NWD2: variants seen among roughly 807,000 people sequenced by gnomAD.
NWD2 encodes NACHT and WD repeat domain-containing protein 2.
A neutral mutation model predicts 132.7 loss-of-function variants in NWD2; 37 were observed. The observed-to-expected ratio is 0.28, with a 90% CI of 0.21 to 0.37. The LOEUF (loss-of-function observed/expected upper bound fraction) is 0.37, where lower values mean the gene tolerates loss of function less well. Among genes scored for constraint, NWD2 ranks in the 10% least tolerant of loss-of-function variants. NWD2 has a pLI of 1.00. For missense variants in NWD2, 1,592 were observed against 2,122.4 expected (o/e 0.75, Z 4.91); for synonymous variants, 705 against 803.0 (o/e 0.88, Z 2.06).
intron 1 of NWD2, among the ~76,000 whole-genome samples, chr4:37,260,933 T>G (rs541849469): frequency 3.3e-5 from 5 of 152,292 alleles, no homozygotes; most frequent in African/African-American, 1.2e-4. Context: ...AAATTCAGAC[T>G]GTAGAGTTGG....
chr4:37,294,074 C>G (rs1718424953), intron 1 of NWD2, among the ~76,000 whole-genome samples: 1 of 152,074 alleles, frequency 6.6e-6, no homozygotes, highest in Admixed American at 6.5e-5. Context: ...CTACTCCTTT[C>G]TGGAAAGGAA....
intron 2 of NWD2, among the ~76,000 whole-genome samples, chr4:37,334,013 T>C (rs1371505707): frequency 1.3e-5 from 2 of 151,410 alleles, no homozygotes; most frequent in East Asian, 3.9e-4. Context: ...TATTTGAAAA[T>C]ACACAGAGGA....
intron 2 of NWD2, among the ~76,000 whole-genome samples, chr4:37,326,328 A>G (rs953094356): frequency 2.6e-5 from 4 of 152,146 alleles, no homozygotes; most frequent in Admixed American, 2.0e-4. Flanking sequence ...GTTGCTGAGC[A>G]CCTGAGTTTA....
chr4:37,369,755 C>T (rs551823820), intron 3 of NWD2, among the ~76,000 whole-genome samples: 28 of 152,188 alleles, frequency 1.8e-4, no homozygotes, highest in Non-Finnish European at 3.8e-4. Context: ...TATTTTCTTC[C>T]CAACTTGCAA....
chr4:37,401,089 A>G (rs1720887485), intron 3 of NWD2, among the ~76,000 whole-genome samples: 1 of 152,238 alleles, frequency 6.6e-6, no homozygotes, highest in African/African-American at 2.4e-5. Flanking sequence ...TCAGTAAACT[A>G]CTGATTAAAT....
intron 3 of NWD2, among the ~76,000 whole-genome samples, chr4:37,371,001 A>G (rs1371032756): frequency 6.6e-6 from 1 of 151,990 alleles, no homozygotes; most frequent in African/African-American, 2.4e-5. Context: ...ACATTAAACC[A>G]ATCTGGAGTA....
chr4:37,329,170 ACT>A (rs1438642587), intron 2 of NWD2, among the ~76,000 whole-genome samples: 1 of 152,020 alleles, frequency 6.6e-6, no homozygotes, highest in African/African-American at 2.4e-5. Context: ...TCAATGCATA[ACT>A]CCCGATAATC....
intron 1 of NWD2, among the ~76,000 whole-genome samples, chr4:37,276,972 C>A (rs560030134): frequency 6.6e-6 from 1 of 150,460 alleles, no homozygotes; most frequent in South Asian, 2.1e-4. Context: ...CATCACACAC[C>A]GGGGCCTGTT....
At chr4:37,357,972 G>C (rs1371560164) in intron 3 of NWD2, among the ~76,000 whole-genome samples, 1 of 152,128 alleles carries the variant, frequency 6.6e-6, no homozygotes, top group Non-Finnish European at 1.5e-5. Context: ...GCAGGCCTCT[G>C]TGCCTAGAAC....
chr4:37,310,739 C>A (rs1444028113), intron 1 of NWD2, among the ~76,000 whole-genome samples: 2 of 148,764 alleles, frequency 1.3e-5, no homozygotes, highest in East Asian at 2.0e-4. Flanking sequence ...CCCATTAACT[C>A]GTCATTTAGC....
intron 1 of NWD2, among the ~76,000 whole-genome samples, chr4:37,275,483 T>C (rs1484325163): frequency 2.6e-5 from 4 of 152,058 alleles, no homozygotes; most frequent in Non-Finnish European, 5.9e-5. Flanking sequence ...ATCAATATCG[T>C]GAAAATGGCC....
At chr4:37,373,707 G>A (rs1349481057) in intron 3 of NWD2, among the ~76,000 whole-genome samples, 1 of 152,178 alleles carries the variant, frequency 6.6e-6, no homozygotes, top group Non-Finnish European at 1.5e-5. Context: ...ACATCAATTT[G>A]TTCTCCAGCA....
chr4:37,389,024 AAAAT>A (rs1481803189), intron 3 of NWD2, among the ~76,000 whole-genome samples: 4 of 152,094 alleles, frequency 2.6e-5, no homozygotes, highest in African/African-American at 9.7e-5. Flanking sequence ...GGTGGTGAAA[AAAAT>A]AAAACCATGA....
At chr4:37,425,638 A>T (rs1711986708) in intron 3 of NWD2, among the ~76,000 whole-genome samples, 1 of 152,226 alleles carries the variant, frequency 6.6e-6, no homozygotes. Context: ...AGTGTAACTC[A>T]TAAAAGTGGA....
chr4:37,298,837 G>T (rs1286996138), intron 1 of NWD2, among the ~76,000 whole-genome samples: 1 of 152,130 alleles, frequency 6.6e-6, no homozygotes, highest in Non-Finnish European at 1.5e-5. Context: ...TGATGATGAT[G>T]AGAGTGGTAG....
chr4:37,438,335 C>T (rs1289349158), intron 5 of NWD2, among the ~76,000 whole-genome samples: 1 of 151,856 alleles, frequency 6.6e-6, no homozygotes. Flanking sequence ...ACTCAATATA[C>T]CTCAAACAAA....
chr4:37,249,100 A>G (rs1167968574), intron 1 of NWD2, among the ~76,000 whole-genome samples: 1 of 152,236 alleles, frequency 6.6e-6, no homozygotes, highest in Admixed American at 6.5e-5. Flanking sequence ...TAGTATGACT[A>G]AGAATATGAA....
In NWD2 at chr4:37,446,660, T is replaced by C. The variant is rs766821491; in HGVS notation, c.4672T>C (p.Leu1558=). 5.8e-5 allele frequency: 90 copies of C among 1,551,290 alleles called. No homozygotes were observed. Among genetic ancestry groups the C allele is most frequent in the Non-Finnish European group, 7.5e-5 (86 of 1,146,976 alleles). The change falls in exon 7 of 7, where the codon TTG becomes CTG. Residue 1558 remains leucine, a synonymous_variant. Coordinates refer to ENST00000309447, the MANE Select transcript of NWD2 (RefSeq NM_001144990.2). The surrounding 1 kb of genome is among the most constrained non-coding windows in gnomAD (Gnocchi z 6.7). The part of the protein sequence containing the change: ...INVLDLYSGK[L]RVVHASGIIW... ...TGTGCTAGATTTATACAGTGGTAAA[T>C]TGCGGGTGGTTCACGCCTCTGGGAT...
At position 37,357,958 on chromosome 4, in the gene NWD2, G is replaced by A. The variant is rs116128205; in HGVS notation, c.357+1476G>A. On this transcript the variant is annotated intron_variant, in intron 3 of 6. Transcript: ENST00000309447. Reference sequence around the variant, plus strand: ...GAGGGGTTGGCATGTTCAGGAAACAGCAAGCAGGCCTCTGTGCCTAGAACA... The same window carrying A: ...GAGGGGTTGGCATGTTCAGGAAACAACAAGCAGGCCTCTGTGCCTAGAACA... Among the ~76,000 whole-genome samples, 541 of 152,230 alleles carry A rather than the reference G, an allele frequency of 3.6e-3. 1 individual carries two copies. The highest frequency in any genetic ancestry group is 0.027 in the Middle Eastern group (8 of 294).
Sources: gnomAD v4.1 joint callset for allele counts (sites outside exome capture counted in the v4.1 genomes callset) on GRCh38, gnomAD v4.1.1 for gene constraint, Gnocchi (gnomAD v3.1) non-coding constraint, MANE v1.5 for transcripts, NCBI Gene and HGNC (gene_info 2026-07-23, HGNC 2026-07-21) for gene names.